The following AXIN1 variants were observed in gnomAD, a reference collection of about 807,000 sequenced individuals.
AXIN1 encodes axin 1.
A neutral mutation model predicts 76.4 loss-of-function variants in AXIN1; 30 were observed. That is an observed-to-expected ratio of 0.39 (90% confidence interval 0.29 to 0.53). The LOEUF is 0.53. Among genes scored for constraint, AXIN1 ranks in the 20% least tolerant of loss-of-function variants. The probability of loss-of-function intolerance (pLI) is 0.66; values close to 1 mark genes in which losing one functional copy is unlikely to be tolerated. For synonymous variants in AXIN1, 545 were observed against 501.4 expected (o/e 1.09, Z -1.16); for missense variants, 1,140 against 1,198.8 (o/e 0.95, Z 0.72).
At chr16:322,253 C>T (rs780677039) in intron 2 of AXIN1, among the ~76,000 whole-genome samples, 36 of 152,100 alleles carry the variant, frequency 2.4e-4, no homozygotes, top group Non-Finnish European at 4.1e-4. Context: ...AGGAGGTGAC[C>T]GAGGGGCAGC....
intron 5 of AXIN1, among the ~76,000 whole-genome samples, chr16:303,384 A>AT (rs111734984): frequency 0.011 from 1,625 of 142,988 alleles, 11 homozygotes; most frequent in Middle Eastern, 0.018. Flanking sequence ...GCGGGAAGTG[A>AT]TTTTTTTTTT....
intron 2 of AXIN1, among the ~76,000 whole-genome samples, chr16:345,357 AC>A (rs2054012274): frequency 6.6e-6 from 1 of 152,192 alleles, no homozygotes; most frequent in Non-Finnish European, 1.5e-5. Context: ...ACCATTCCCC[AC>A]ACGTAAAACG....
At position 346,498 on chromosome 16, in the gene AXIN1, C is replaced by G. The variant is rs761042192; in HGVS notation, c.528G>C (p.Leu176=). The change falls in exon 2 of 11, where the codon CTG becomes CTC. Residue 176 remains leucine, a synonymous_variant. Coordinates refer to ENST00000262320, the MANE Select transcript of AXIN1 (RefSeq NM_003502.4). The part of the protein sequence containing the change: ...SFIKGCIMKQ[L]IDPAMFDQAQ... ...CCTGGTCAAACATGGCAGGATCGAT[C>G]AGCTGCTTCATGATGCAGCCCTTTA... 1.9e-6 allele frequency: 3 copies of G among 1,614,186 alleles called. No homozygotes were observed. In the African/African-American group the frequency reaches 4.0e-5, roughly 22 times the overall value.
chr16:310,919 C>G (rs2053160249), intron 3 of AXIN1, among the ~76,000 whole-genome samples: 1 of 152,258 alleles, frequency 6.6e-6, no homozygotes, highest in Non-Finnish European at 1.5e-5. Context: ...ACAACCAGTG[C>G]CCCACGGAAA....
At chr16:301,879 G>C (rs930052537) in intron 5 of AXIN1, among the ~76,000 whole-genome samples, 2 of 152,210 alleles carry the variant, frequency 1.3e-5, no homozygotes, top group Non-Finnish European at 2.9e-5. Flanking sequence ...TTTCTGTTGT[G>C]AGCATGTTTG....
chr16:293,513 C>G lies in AXIN1; in HGVS notation c.2161G>C (p.Ala721Pro), dbSNP rs778068596. 1.2e-6 allele frequency: 2 copies of G among 1,610,044 alleles called. No homozygotes were observed. The highest frequency in any genetic ancestry group is 1.7e-6 in the Non-Finnish European group (2 of 1,179,966). ...RRRLEEEEKRASRAPSKQRYV... is the reference protein window; with the variant it reads ...RRRLEEEEKRPSRAPSKQRYV... ...CTCTGCTTGGAGGGTGCTCGGCTGG[C>G]TCTCTTTTCTTCCTCCTCCAGACGT... is the stretch of plus-strand genomic sequence containing the variant. The change falls in exon 8 of 11, where the codon GCC becomes CCC. Residue 721 changes from alanine to proline, a missense_variant. By Grantham distance (27) the Ala-to-Pro change is conservative. Transcript: ENST00000262320. The surrounding 1 kb of genome is among the most constrained non-coding windows in gnomAD (Gnocchi z 4.6).
chr16:347,324 T>C (rs1162440620), intron 1 of AXIN1, among the ~76,000 whole-genome samples: 1 of 152,204 alleles, frequency 6.6e-6, no homozygotes, highest in Non-Finnish European at 1.5e-5. Flanking sequence ...ATGCCTCTCA[T>C]GCTAAGAAGG....
At chr16:331,468 C>T (rs1408220010) in intron 2 of AXIN1, among the ~76,000 whole-genome samples, 3 of 152,128 alleles carry the variant, frequency 2.0e-5, no homozygotes, top group African/African-American at 7.2e-5. Context: ...TGGAAAGAAA[C>T]ACTCTGAGGC....
intron 5 of AXIN1, among the ~76,000 whole-genome samples, chr16:299,888 C>A (rs2052824345): frequency 6.6e-6 from 1 of 151,930 alleles, no homozygotes; most frequent in Admixed American, 6.6e-5. Context: ...ATCTCCCGAC[C>A]TCGTGATCTG....
At chr16:306,044 AC>A (rs1355297798) in intron 4 of AXIN1, among the ~76,000 whole-genome samples, 3 of 152,120 alleles carry the variant, frequency 2.0e-5, no homozygotes, top group African/African-American at 7.2e-5. Flanking sequence ...ATTCCCGTCC[AC>A]CTTCACCCAG....
At position 293,242 on chromosome 16, in the gene AXIN1, C is replaced by A; in HGVS notation, c.2186+246G>T. The A allele has an allele frequency of 1.7e-6, 1 of 572,870 alleles. No individual in the cohort carries two copies. Among genetic ancestry groups the A allele is most frequent in the Non-Finnish European group, 3.1e-6 (1 of 320,360 alleles). 35.5% of individuals were successfully genotyped at this position (572,870 alleles called of 1,614,324 possible). A position where few individuals can be genotyped will look rare whatever the true frequency, so the allele number is the denominator to read the frequency against. ...GGGCTCAGGTTGAGGAGGGACCCCGCCTCCAGAGCAATGAGCGCGGCGGCC... is the reference window on the plus strand; with the variant it reads ...GGGCTCAGGTTGAGGAGGGACCCCGACTCCAGAGCAATGAGCGCGGCGGCC... On this transcript the variant is annotated intron_variant, in intron 8 of 10. Transcript: ENST00000262320. This position sits in a 1 kb window ranked among gnomAD's most constrained non-coding sequence, Gnocchi z 4.6.
intron 6 of AXIN1, 137 bp from the exon 7 acceptor site, chr16:297,363 T>C: frequency 8.7e-7 from 1 of 1,155,904 alleles, no homozygotes; most frequent in Non-Finnish European, 1.2e-6. Flanking sequence ...TGCCCGCTTG[T>C]CCCCCACCCG....
At chr16:329,874 C>T (rs2053659494) in intron 2 of AXIN1, among the ~76,000 whole-genome samples, 1 of 150,350 alleles carries the variant, frequency 6.7e-6, no homozygotes, top group African/African-American at 2.5e-5. Context: ...ATCTTGTGAT[C>T]CACCCGCCTC....
intron 3 of AXIN1, 37 bp downstream of exon 3, chr16:314,506 T>C (rs2141591910): frequency 1.2e-6 from 2 of 1,612,332 alleles, no homozygotes; most frequent in South Asian, 1.1e-5. Context: ...TACACACTGC[T>C]GTCCGTGAGG....
At chr16:334,825 C>T (rs2053770633) in intron 2 of AXIN1, among the ~76,000 whole-genome samples, 1 of 151,516 alleles carries the variant, frequency 6.6e-6, no homozygotes, top group African/African-American at 2.4e-5. Context: ...CATGGCATGC[C>T]AAAAGCAAAC....
At chr16:349,579 C>T (rs1174716939) in intron 1 of AXIN1, among the ~76,000 whole-genome samples, 1 of 152,216 alleles carries the variant, frequency 6.6e-6, no homozygotes, top group African/African-American at 2.4e-5. Flanking sequence ...ATCATGCTCT[C>T]ATAAGGGACT....
chr16:352,359 C>T lies in AXIN1; in HGVS notation c.-82+10G>A. 2 of 980,674 alleles carry T rather than the reference C, an allele frequency of 2.0e-6. No homozygotes were observed. Among genetic ancestry groups the T allele is most frequent in the Non-Finnish European group, 2.4e-6 (2 of 828,018 alleles). The allele number at this position is 980,674 out of a possible 1,614,324, so 60.7% of individuals were successfully genotyped here. On this transcript the variant is annotated intron_variant, in intron 1 of 10. Coordinates refer to ENST00000262320, the MANE Select transcript of AXIN1 (RefSeq NM_003502.4). ...CGGCCTAGCCCGCCCCGGAGCCCGG[C>T]CCTACTCACCCGCGCGCGGTGGTGG...
chr16:334,723 AC>A (rs1312054662), intron 2 of AXIN1, among the ~76,000 whole-genome samples: 1 of 151,872 alleles, frequency 6.6e-6, no homozygotes, highest in Non-Finnish European at 1.5e-5. Context: ...ACCCAGTACC[AC>A]AGCATGCCAA....
intron 2 of AXIN1, among the ~76,000 whole-genome samples, chr16:323,136 AAAAAG>A (rs1158272482): frequency 5.9e-5 from 9 of 152,298 alleles, no homozygotes; most frequent in African/African-American, 1.9e-4. Flanking sequence ...GAAAGAAAGA[AAAAAG>A]AAAAGAAAAG....
Sources: allele counts gnomAD v4.1 joint callset (sites outside exome capture counted in the v4.1 genomes callset), GRCh38; gene constraint gnomAD v4.1.1; non-coding constraint Gnocchi (gnomAD v3.1); transcripts MANE v1.5; gene names NCBI Gene and HGNC (gene_info 2026-07-23, HGNC 2026-07-21).